KCNH3: variants seen among roughly 807,000 people sequenced by gnomAD.
KCNH3 encodes the protein potassium voltage-gated channel subfamily H member 3.
KCNH3 carries 36 observed loss-of-function variants against 95.6 expected under a neutral mutation model. The observed-to-expected ratio is 0.38, with a 90% CI of 0.29 to 0.50. KCNH3 has a LOEUF of 0.50. Among genes scored for constraint, KCNH3 ranks in the 20% least tolerant of loss-of-function variants. The probability of loss-of-function intolerance (pLI) is 0.95; values close to 1 mark genes in which losing one functional copy is unlikely to be tolerated. For synonymous variants in KCNH3, 620 were observed against 646.3 expected, an observed-to-expected ratio of 0.96 and a Z score of 0.62; for missense variants, 1,030 against 1,484.1, an observed-to-expected ratio of 0.69 and a Z score of 5.03.
Position 49,549,571 on chromosome 12 carries a change from C to T in KCNH3, c.1599C>T (p.Pro533=). 2 of 1,613,364 alleles carry T rather than the reference C, an allele frequency of 1.2e-6. No homozygotes were observed. Among genetic ancestry groups the T allele is most frequent in the Non-Finnish European group, 1.7e-6 (2 of 1,180,044 alleles). ...TCCGCATCCACCGTATCCCCAAGCC[C>T]CTCAAGCAGCGCATGCTGGAGTACT... ...DYIRIHRIPK[P]LKQRMLEYFQ... Residue 533 remains proline, a synonymous_variant, in exon 9 of 15, where the codon CCC becomes CCT. Transcript: ENST00000257981.
At chr12:49,550,435 A>C (rs1178818463) in intron 10 of KCNH3, 106 bp downstream of exon 10, 2 of 1,393,228 alleles carry the variant, frequency 1.4e-6, no homozygotes, top group Non-Finnish European at 1.9e-6. Flanking sequence ...ACTGAGAGAG[A>C]AACAGCCAGG....
At chr12:49,540,333 C>G (rs1727885602) in intron 1 of KCNH3, among the ~76,000 whole-genome samples, 1 of 152,248 alleles carries the variant, frequency 6.6e-6, no homozygotes, top group African/African-American at 2.4e-5. Context: ...TTCCTGGCTC[C>G]TGGCTCCCGT....
Position 49,557,212 on chromosome 12 carries a change from C to A in KCNH3, c.2605C>A (p.Pro869Thr). ...ESGLLTVPHG[P>T]SEARNTDTLD... ...CGGCCTGCTCACTGTTCCCCATGGG[C>A]CCAGCGAGGCAAGGAACACAGACAC... Residue 869 changes from proline (P) to threonine (T), a missense_variant, in exon 14 of 15, where the codon CCC becomes ACC. By Grantham distance (38) the Pro-to-Thr change is conservative (BLOSUM62 -1). Coordinates refer to ENST00000257981, the MANE Select transcript of KCNH3 (RefSeq NM_012284.3). 1 of 1,614,004 alleles carries A rather than the reference C, an allele frequency of 6.2e-7. No homozygotes were observed. The highest frequency in any genetic ancestry group is 8.5e-7 in the Non-Finnish European group (1 of 1,179,976).
Position 49,539,516 on chromosome 12 carries a change from G to A in KCNH3, c.76+24G>A. 6.3e-7 allele frequency: 1 copy of A among 1,580,340 alleles called. No individual in the cohort carries two copies. The highest frequency in any genetic ancestry group is 8.6e-7 in the Non-Finnish European group (1 of 1,164,746). On this transcript the variant is annotated intron_variant, in intron 1 of 14. Transcript: ENST00000257981. This position sits in a 1 kb window ranked among gnomAD's most constrained non-coding sequence, Gnocchi z 6.7. Reference sequence around the variant, plus strand: ...GCGTGAGTCCGACCCTCGCCCACTTGCACCCGGGCCGCCGGACCCTCGCCA... The same window carrying A: ...GCGTGAGTCCGACCCTCGCCCACTTACACCCGGGCCGCCGGACCCTCGCCA...
At chr12:49,554,650 G>A in intron 11 of KCNH3, 96 bp downstream of exon 11, 1 of 1,093,464 alleles carries the variant, frequency 9.1e-7, no homozygotes, top group Non-Finnish European at 1.3e-6. Context: ...TGTGTGTGAA[G>A]TGTGGCCTGG....
At chr12:49,553,158 G>A (rs190690270) in intron 10 of KCNH3, among the ~76,000 whole-genome samples, 3 of 151,728 alleles carry the variant, frequency 2.0e-5, no homozygotes, top group African/African-American at 7.3e-5. Context: ...TTTTTTTTGA[G>A]ACCAGGTCTC....
At chr12:49,556,624 C>G in intron 13 of KCNH3, 148 bp downstream of exon 13, 3 of 718,574 alleles carry the variant, frequency 4.2e-6, no homozygotes. Flanking sequence ...TGGTGTCGTG[C>G]GGGCAGGGGA....
chr12:49,546,969 A>G (rs1409890037), intron 7 of KCNH3, among the ~76,000 whole-genome samples: 1 of 152,174 alleles, frequency 6.6e-6, no homozygotes, highest in Non-Finnish European at 1.5e-5. Flanking sequence ...ATCTCGGCTC[A>G]CTGCAACCTC....
chr12:49,555,075 A>T (rs1938387511), intron 11 of KCNH3, among the ~76,000 whole-genome samples: 1 of 152,036 alleles, frequency 6.6e-6, no homozygotes, highest in Non-Finnish European at 1.5e-5. Flanking sequence ...TGGTGTCCGT[A>T]TTTGGCTAGA....
chr12:49,556,292 G>A (rs531372951), intron 12 of KCNH3, 78 bp from the exon 13 acceptor site: 150 of 1,048,930 alleles, frequency 1.4e-4, no homozygotes, highest in Non-Finnish European at 2.1e-4. Flanking sequence ...GTGTGTGGAC[G>A]CTGGGGCATC....
Position 49,539,572 on chromosome 12 carries a change from C to T in KCNH3, c.76+80C>T. On this transcript the variant is annotated intron_variant, in intron 1 of 14. Coordinates refer to ENST00000257981, the MANE Select transcript of KCNH3 (RefSeq NM_012284.3). This position sits in a 1 kb window ranked among gnomAD's most constrained non-coding sequence, Gnocchi z 6.7. ...CCCGCCTTCCCCGAACCCCCAGCAG[C>T]CCAGCTTGGCGCCAGCCTATTCTCA... The T allele has an allele frequency of 7.8e-7, 1 of 1,279,026 alleles. No individual in the cohort carries two copies. The highest frequency in any genetic ancestry group is 1.1e-6 in the Non-Finnish European group (1 of 917,354). The allele number at this position is 1,279,026 out of a possible 1,614,324, so 79.2% of individuals were successfully genotyped here.
intron 8 of KCNH3, 93 bp from the exon 9 acceptor site, chr12:49,549,348 C>G: frequency 6.6e-7 from 1 of 1,523,568 alleles, no homozygotes; most frequent in Non-Finnish European, 9.0e-7. Context: ...CAGGCCTTGC[C>G]TAGGAGCGTG....
intron 10 of KCNH3, among the ~76,000 whole-genome samples, chr12:49,552,272 G>C (rs908061831): frequency 3.3e-5 from 5 of 152,172 alleles, no homozygotes; most frequent in Non-Finnish European, 7.3e-5. Context: ...TGCCTTTGCT[G>C]GTGCCAGGCA....
rs1938043256 is a variant in KCNH3 at position 49,545,826 on chromosome 12, G to A, written c.1189+1444G>A. 2.6e-5 allele frequency among the ~76,000 whole-genome samples: 4 copies of A among 152,126 alleles called. No homozygotes were observed. The South Asian group carries it at 8.3e-4, about 31-fold the overall frequency. On this transcript the variant is annotated intron_variant, in intron 7 of 14. Coordinates refer to ENST00000257981, the MANE Select transcript of KCNH3 (RefSeq NM_012284.3). The stretch of plus-strand genomic sequence containing the variant: ...TCTCTCCCTCTGCAAGCTCACAGGA[G>A]GCCTGTGTGTGTCACAGAGGACCCA...
Position 49,557,199 on chromosome 12 carries a change from T to C in KCNH3, c.2592T>C (p.Thr864=). 6.2e-7 allele frequency: 1 copy of C among 1,613,838 alleles called. No homozygotes were observed. The highest frequency in any genetic ancestry group is 8.5e-7 in the Non-Finnish European group (1 of 1,179,932). The change falls in exon 14 of 15, where the codon ACT becomes ACC. Residue 864 remains threonine, a synonymous_variant. Coordinates refer to ENST00000257981, the MANE Select transcript of KCNH3 (RefSeq NM_012284.3). ...PSPGPESGLL[T]VPHGPSEARN... is the part of the protein sequence containing the mutation. ...TACCCACAGAGAGCGGCCTGCTCACTGTTCCCCATGGGCCCAGCGAGGCAA... is the reference window on the plus strand; with the variant it reads ...TACCCACAGAGAGCGGCCTGCTCACCGTTCCCCATGGGCCCAGCGAGGCAA...
chr12:49,555,983 T>C (rs891509988), intron 12 of KCNH3, 32 bp downstream of exon 12: 44 of 1,074,534 alleles, frequency 4.1e-5, no homozygotes, highest in Non-Finnish European at 5.9e-5. Context: ...GTGGCAGAGA[T>C]GGTGGTGATG....
At position 49,558,230 on chromosome 12, in the gene KCNH3, T is replaced by A; in HGVS notation, c.*277T>A. On this transcript the variant is annotated 3_prime_UTR_variant, in exon 15 of 15. Coordinates refer to ENST00000257981, the MANE Select transcript of KCNH3 (RefSeq NM_012284.3). ...CTGAGGACAAGGAAGAGCTTTGCCATCCCCTGCATGTGCCCCTGCCTCTAC... is the reference window on the plus strand; with the variant it reads ...CTGAGGACAAGGAAGAGCTTTGCCAACCCCTGCATGTGCCCCTGCCTCTAC... 1 of 395,592 alleles carries A rather than the reference T, an allele frequency of 2.5e-6. No homozygotes were observed. Among genetic ancestry groups the A allele is most frequent in the Admixed American group, 4.2e-5 (1 of 23,658 alleles). The allele number at this position is 395,592 out of a possible 1,614,324, so 24.5% of individuals were successfully genotyped here.
intron 10 of KCNH3, 76 bp downstream of exon 10, chr12:49,550,405 G>T (rs1938220657): frequency 6.6e-7 from 1 of 1,505,966 alleles, no homozygotes; most frequent in Non-Finnish European, 8.9e-7. Context: ...AAAACCTGGA[G>T]AGGGGACCTC....
intron 7 of KCNH3, among the ~76,000 whole-genome samples, chr12:49,545,296 A>T (rs1025383642): frequency 1.3e-5 from 2 of 151,116 alleles, no homozygotes; most frequent in African/African-American, 4.9e-5. Context: ...TTAACTCTCG[A>T]TGCGCCTCAG....
Sources: gnomAD v4.1 joint callset for allele counts (sites outside exome capture counted in the v4.1 genomes callset) on GRCh38, gnomAD v4.1.1 for gene constraint, Gnocchi (gnomAD v3.1) non-coding constraint, MANE v1.5 for transcripts, NCBI Gene and HGNC (gene_info 2026-07-23, HGNC 2026-07-21) for gene names.